Variants in CNTN6 observed in about 807,000 individuals in gnomAD.
CNTN6 encodes contactin 6, also known as contactin-6.
A neutral mutation model predicts 122.8 loss-of-function variants in CNTN6; 137 were observed. The ratio of observed to expected loss-of-function variants is 1.12; its 90% CI spans 0.97 to 1.29. The LOEUF is 1.29. Among genes scored for constraint, CNTN6 ranks in the 50% most tolerant of loss-of-function variants. The pLI, the probability that CNTN6 is intolerant of heterozygous loss-of-function variation, is 0.00. For missense variants in CNTN6, 1,634 were observed against 1,223.4 expected (o/e 1.34, Z -5.01); for synonymous variants, 570 against 426.0 (o/e 1.34, Z -4.16).
At chr3:1,236,888 G>T (rs1028041115) in intron 4 of CNTN6, among the ~76,000 whole-genome samples, 1 of 152,060 alleles carries the variant, frequency 6.6e-6, no homozygotes, top group Non-Finnish European at 1.5e-5. Flanking sequence ...AGACCATCCT[G>T]GCTAACATGG....
intron 4 of CNTN6, among the ~76,000 whole-genome samples, chr3:1,258,515 A>G (rs1397178771): frequency 6.6e-6 from 1 of 152,130 alleles, no homozygotes; most frequent in Non-Finnish European, 1.5e-5. Flanking sequence ...TTGAGTGTGC[A>G]GTGGCCTGGC....
At chr3:1,371,284 C>G (rs1319471121) in intron 12 of CNTN6, among the ~76,000 whole-genome samples, 1 of 151,864 alleles carries the variant, frequency 6.6e-6, no homozygotes, top group Admixed American at 6.6e-5. Flanking sequence ...TTATAAATTA[C>G]CCATGGAGAA....
intron 17 of CNTN6, among the ~76,000 whole-genome samples, chr3:1,382,567 CTT>C (rs1419064760): frequency 6.6e-6 from 1 of 151,970 alleles, no homozygotes; most frequent in Non-Finnish European, 1.5e-5. Context: ...CATATCTAGT[CTT>C]GAAATAAATA....
At chr3:1,112,508 G>A (rs980634246) in intron 1 of CNTN6, among the ~76,000 whole-genome samples, 7 of 152,208 alleles carry the variant, frequency 4.6e-5, no homozygotes, top group South Asian at 2.1e-4. Flanking sequence ...TTTCAATGTC[G>A]GAGGCAGGAG....
intron 1 of CNTN6, among the ~76,000 whole-genome samples, chr3:1,118,848 A>G (rs550472387): frequency 2.0e-5 from 3 of 151,812 alleles, no homozygotes; most frequent in Non-Finnish European, 4.4e-5. Context: ...GCTGCTTTCC[A>G]ATACCTCTTA....
chr3:1,315,500 G>C (rs900423973), intron 7 of CNTN6, among the ~76,000 whole-genome samples: 1 of 151,972 alleles, frequency 6.6e-6, no homozygotes, highest in Non-Finnish European at 1.5e-5. Context: ...ATTCCAAAAA[G>C]TTAATTAGCA....
chr3:1,204,391 A>T (rs3772353), intron 2 of CNTN6, among the ~76,000 whole-genome samples: 1 of 152,122 alleles, frequency 6.6e-6, no homozygotes, highest in Non-Finnish European at 1.5e-5. Context: ...TAATAGGGTC[A>T]AATACCCAGA....
intron 2 of CNTN6, among the ~76,000 whole-genome samples, chr3:1,153,204 T>C (rs948365430): frequency 6.6e-6 from 1 of 152,162 alleles, no homozygotes; most frequent in Non-Finnish European, 1.5e-5. Context: ...TGAGACTTGG[T>C]TTTATCATGA....
At chr3:1,373,063 G>T in intron 14 of CNTN6, 108 bp downstream of exon 14, 2 of 666,658 alleles carry the variant, frequency 3.0e-6, no homozygotes, top group Non-Finnish European at 2.6e-6. Flanking sequence ...GAAGTGAGAT[G>T]TAATCAGATA....
intron 3 of CNTN6, among the ~76,000 whole-genome samples, chr3:1,225,446 A>C (rs537114211): frequency 6.6e-6 from 1 of 152,304 alleles, no homozygotes; most frequent in Admixed American, 6.5e-5. Flanking sequence ...AACAACTTTG[A>C]ATTTGTGTTG....
In CNTN6 at chr3:1,325,795, C is replaced by A; in HGVS notation, c.947-20C>A. 6.2e-7 allele frequency: 1 copy of A among 1,607,634 alleles called. No individual in the cohort carries two copies. The highest frequency in any genetic ancestry group is 8.5e-7 in the Non-Finnish European group (1 of 1,176,646). On this transcript the variant is annotated intron_variant, in intron 8 of 22. Coordinates refer to ENST00000446702, the MANE Select transcript of CNTN6 (RefSeq NM_001289080.2). ...ATAACTGCCTTTTACCAAACAGTGG[C>A]ACTTGCCTTTTTGAAACAGCTCCTC...
At chr3:1,344,631 A>AG (rs1476261356) in intron 11 of CNTN6, among the ~76,000 whole-genome samples, 2 of 152,182 alleles carry the variant, frequency 1.3e-5, no homozygotes, top group Admixed American at 1.3e-4. Flanking sequence ...GGTTCTGTGA[A>AG]GGAGGGTACT....
chr3:1,347,407 A>G (rs1704898819), intron 11 of CNTN6, among the ~76,000 whole-genome samples: 1 of 152,196 alleles, frequency 6.6e-6, no homozygotes, highest in Non-Finnish European at 1.5e-5. Flanking sequence ...AGTGGATATT[A>G]GAGAATAAAG....
At chr3:1,302,386 C>G (rs968680231) in intron 7 of CNTN6, among the ~76,000 whole-genome samples, 22 of 152,054 alleles carry the variant, frequency 1.4e-4, no homozygotes, top group Non-Finnish European at 2.4e-4. Flanking sequence ...GGAATAAAAT[C>G]AAATATTTTT....
intron 4 of CNTN6, among the ~76,000 whole-genome samples, chr3:1,245,301 T>TA (rs1221599572): frequency 1.7e-4 from 1 of 6,000 alleles, no homozygotes; most frequent in African/African-American, 5.3e-4. Flanking sequence ...ATAACATATA[T>TA]ATATATATAT....
intron 2 of CNTN6, among the ~76,000 whole-genome samples, chr3:1,158,198 T>C (rs192371994): frequency 6.6e-6 from 1 of 152,320 alleles, no homozygotes; most frequent in Admixed American, 6.5e-5. Flanking sequence ...GCATTTGTTA[T>C]TGCCAGTCTT....
intron 5 of CNTN6, among the ~76,000 whole-genome samples, chr3:1,284,372 A>G (rs907038553): frequency 1.3e-5 from 2 of 152,182 alleles, no homozygotes; most frequent in South Asian, 2.1e-4. Context: ...TCTGGCGTAA[A>G]TGAAAGTGCT....
In CNTN6 at chr3:1,142,412, G is replaced by T. The variant is rs184106084; in HGVS notation, c.-82-5515G>T. ...CGTATAAAGGCAGGGCTCACAGTCT[G>T]CAGCTACTTCAAAATACAGGACTGC... On this transcript the variant is annotated intron_variant, in intron 1 of 22. Transcript: ENST00000446702. 3.9e-5 allele frequency among the ~76,000 whole-genome samples: 6 copies of T among 152,212 alleles called. No homozygotes were observed. The East Asian group carries it at 1.2e-3, about 29-fold the overall frequency.
At chr3:1,305,401 C>A (rs7626099) in intron 7 of CNTN6, among the ~76,000 whole-genome samples, 1 of 151,990 alleles carries the variant, frequency 6.6e-6, no homozygotes, top group South Asian at 2.1e-4. Flanking sequence ...AGTTTCAGAG[C>A]TGACATGATC....
Sources: gnomAD v4.1 joint callset for allele counts (sites outside exome capture counted in the v4.1 genomes callset) on GRCh38, gnomAD v4.1.1 for gene constraint, MANE v1.5 for transcripts, NCBI Gene and HGNC (gene_info 2026-07-23, HGNC 2026-07-21) for gene names.